Variants in CAAP1 observed in about 807,000 individuals in gnomAD.
CAAP1 encodes conserved anti-apoptotic protein.
A neutral mutation model predicts 34.0 loss-of-function variants in CAAP1; 20 were observed. The observed-to-expected ratio is 0.59, with a 90% CI of 0.41 to 0.86. The LOEUF is 0.86. Ranked by LOEUF, CAAP1 falls within the 40% of genes least tolerant of loss-of-function variation. CAAP1 has a pLI of 0.00. For missense variants in CAAP1, 538 were observed against 450.5 expected (o/e 1.19, Z -1.76); for synonymous variants, 213 against 166.7 (o/e 1.28, Z -2.14).
intron 3 of CAAP1, 62 bp from the exon 4 acceptor site, chr9:26,884,947 G>A: frequency 1.6e-6 from 2 of 1,219,640 alleles, no homozygotes; most frequent in Non-Finnish European, 2.4e-6. Flanking sequence ...ATGCAATCAT[G>A]ACATTAAAAA....
chr9:26,876,532 G>A (rs181906214), intron 4 of CAAP1, among the ~76,000 whole-genome samples: 94 of 132,202 alleles, frequency 7.1e-4, no homozygotes, highest in Admixed American at 1.9e-3. Context: ...TCATGCTTCT[G>A]TATTGGTAAG....
intron 5 of CAAP1, among the ~76,000 whole-genome samples, chr9:26,842,926 C>A (rs1822514256): frequency 6.6e-6 from 1 of 152,126 alleles, no homozygotes; most frequent in Non-Finnish European, 1.5e-5. Context: ...GATCTATTTT[C>A]CTAATTAAAA....
At chr9:26,868,024 TA>T (rs11335775) in intron 4 of CAAP1, among the ~76,000 whole-genome samples, 1,707 of 152,292 alleles carry the variant, frequency 0.011, 33 homozygotes, top group African/African-American at 0.039. Context: ...ATCTTTATTT[TA>T]AACTTGTGTA....
intron 4 of CAAP1, 32 bp downstream of exon 4, chr9:26,884,778 T>C: frequency 6.9e-7 from 1 of 1,456,498 alleles, no homozygotes; most frequent in South Asian, 1.2e-5. Flanking sequence ...ACAAAGAAAT[T>C]TTGAAATAAA....
At chr9:26,860,566 G>T (rs925568455) in intron 5 of CAAP1, among the ~76,000 whole-genome samples, 12 of 152,154 alleles carry the variant, frequency 7.9e-5, no homozygotes, top group Non-Finnish European at 1.3e-4. Flanking sequence ...GCCGAGGCGG[G>T]TGGATCACAA....
chr9:26,892,311 G>A, intron 1 of CAAP1, 102 bp downstream of exon 1: 2 of 1,544,306 alleles, frequency 1.3e-6, no homozygotes, highest in South Asian at 1.2e-5. Flanking sequence ...TGAGATTGCC[G>A]CGCTAGCAGT....
rs1171639345 is a variant in CAAP1, at chr9:26,841,721, T to C, written c.*580A>G. Reference sequence around the variant, plus strand: ...TTAAACATGGGCAATTAGTTCTACATAGTTAAAAATTGCCTTAAATTAATT... The same window carrying C: ...TTAAACATGGGCAATTAGTTCTACACAGTTAAAAATTGCCTTAAATTAATT... On this transcript the variant is annotated 3_prime_UTR_variant, in exon 6 of 6. Transcript: ENST00000333916. 1 of 152,754 alleles carries C rather than the reference T, an allele frequency of 6.5e-6. No individual in the cohort carries two copies. The highest frequency in any genetic ancestry group is 1.9e-4 in the East Asian group (1 of 5,190). The allele number at this position is 152,754 out of a possible 1,614,324, so 9.5% of individuals were successfully genotyped here.
Position 26,842,336 on chromosome 9 carries a change from G to A in CAAP1, c.1051C>T (p.Leu351=). The change falls in exon 6 of 6, where the codon CTA becomes TTA. Residue 351 remains leucine, a synonymous_variant. Coordinates refer to ENST00000333916, the MANE Select transcript of CAAP1 (RefSeq NM_024828.4). The part of the protein sequence containing the change: ...LEMRARAIKA[L]MKAGDIKKPA ...TTTTTTATATCACCAGCTTTCATTA[G>A]GGCTTTAATCGCTCTTGCCCTCATC... 1.3e-6 allele frequency: 2 copies of A among 1,596,310 alleles called. No individual in the cohort carries two copies. Among genetic ancestry groups the A allele is most frequent in the Non-Finnish European group, 1.7e-6 (2 of 1,173,382 alleles).
chr9:26,878,953 T>C (rs1451615946), intron 4 of CAAP1, among the ~76,000 whole-genome samples: 1 of 152,156 alleles, frequency 6.6e-6, no homozygotes, highest in Non-Finnish European at 1.5e-5. Context: ...GCAACCAACA[T>C]CCATCTTACT....
intron 4 of CAAP1, among the ~76,000 whole-genome samples, chr9:26,882,431 C>A (rs139809015): frequency 6.6e-6 from 1 of 152,280 alleles, no homozygotes; most frequent in African/African-American, 2.4e-5. Context: ...TGGGGTTGAG[C>A]CTGCAGTTGC....
At chr9:26,887,605 C>G (rs1411311474) in intron 1 of CAAP1, 92 bp from the exon 2 acceptor site, 1 of 774,854 alleles carries the variant, frequency 1.3e-6, no homozygotes, top group Admixed American at 3.4e-5. Context: ...TTAATAAATT[C>G]TTCTTCATCA....
intron 5 of CAAP1, among the ~76,000 whole-genome samples, chr9:26,855,997 C>G (rs967073831): frequency 1.3e-5 from 2 of 152,120 alleles, no homozygotes; most frequent in African/African-American, 4.8e-5. Context: ...ATACTGAAAT[C>G]TTTGTGGTGC....
chr9:26,892,495 C>G lies in CAAP1; in HGVS notation c.221G>C (p.Trp74Ser), dbSNP rs778801327. The change falls in exon 1 of 6, where the codon TGG becomes TCG. Residue 74 changes from tryptophan to serine, a missense_variant. Transcript: ENST00000333916. ...GCTGCGCTCCACGCTGCTCCCGCCC[C>G]AACAGCTGCCGCCGCTCCCACCGCC... ...VTGGGSGGSCWGGSSVERSER... is the reference protein window; with the variant it reads ...VTGGGSGGSCSGGSSVERSER... The G allele has an allele frequency of 1.3e-6, 2 of 1,567,124 alleles. No individual in the cohort carries two copies. Among genetic ancestry groups the G allele is most frequent in the South Asian group, 1.2e-5 (1 of 86,604 alleles).
chr9:26,892,400 G>A lies in CAAP1; in HGVS notation c.303+13C>T, dbSNP rs538682075. 2 of 1,604,416 alleles carry A rather than the reference G, an allele frequency of 1.2e-6. No individual in the cohort carries two copies. The highest frequency in any genetic ancestry group is 2.2e-5 in the East Asian group (1 of 44,748). ...AGCAGCTCCAGGAAGCGGCCAGAGG[G>A]GCGCGCACGCACCTGCTGCAAGGAG... On this transcript the variant is annotated intron_variant, in intron 1 of 5. Transcript: ENST00000333916.
chr9:26,877,169 A>C (rs767450878), intron 4 of CAAP1, among the ~76,000 whole-genome samples: 1 of 152,218 alleles, frequency 6.6e-6, no homozygotes, highest in African/African-American at 2.4e-5. Context: ...ATAAATAAAT[A>C]TTGTATAAAA....
intron 1 of CAAP1, among the ~76,000 whole-genome samples, chr9:26,891,208 T>G (rs978396796): frequency 6.6e-6 from 1 of 152,156 alleles, no homozygotes; most frequent in Non-Finnish European, 1.5e-5. Context: ...GCAGAGGATA[T>G]GTACAGAAAA....
At chr9:26,848,201 T>C (rs1822661966) in intron 5 of CAAP1, among the ~76,000 whole-genome samples, 1 of 152,162 alleles carries the variant, frequency 6.6e-6, no homozygotes, top group South Asian at 2.1e-4. Context: ...TAACTCAGAA[T>C]GTTTGTGATG....
chr9:26,856,075 A>G (rs1587095749), intron 5 of CAAP1, among the ~76,000 whole-genome samples: 1 of 151,114 alleles, frequency 6.6e-6, no homozygotes, highest in East Asian at 2.1e-4. Flanking sequence ...CGGCCTCCTA[A>G]AACTCTGGGA....
chr9:26,892,587 G>A lies in CAAP1; in HGVS notation c.129C>T (p.Cys43=). The change falls in exon 1 of 6, where the codon TGC becomes TGT. Residue 43 remains cysteine, a synonymous_variant. Transcript: ENST00000333916. ...CGCTCCCGCAGCCCCCGGCGCTCCCGCAGCCGCTAGTGCTTCCACTGCTGC... is the reference window on the plus strand; with the variant it reads ...CGCTCCCGCAGCCCCCGGCGCTCCCACAGCCGCTAGTGCTTCCACTGCTGC... ...ASGSSGSTSG[C]GSAGGCGSVS... The A allele has an allele frequency of 6.2e-7, 1 of 1,602,510 alleles. No homozygotes were observed. The highest frequency in any genetic ancestry group is 8.5e-7 in the Non-Finnish European group (1 of 1,176,110).
Sources: gnomAD v4.1 joint callset for allele counts (sites outside exome capture counted in the v4.1 genomes callset) on GRCh38, gnomAD v4.1.1 for gene constraint, MANE v1.5 for transcripts, NCBI Gene and HGNC (gene_info 2026-07-23, HGNC 2026-07-21) for gene names.